The following CDKL3 variants were observed in gnomAD, a reference collection of about 807,000 sequenced individuals.
CDKL3 encodes cyclin-dependent kinase-like 3.
Under a neutral mutation model 69.3 loss-of-function variants are expected in CDKL3, and 65 were observed. The observed-to-expected ratio is 0.94, with a 90% CI of 0.77 to 1.15. The LOEUF is 1.15. Among genes scored for constraint, CDKL3 ranks in the 50% most tolerant of loss-of-function variants. The pLI, the probability that CDKL3 is intolerant of heterozygous loss-of-function variation, is 0.00. For missense variants in CDKL3, 652 were observed against 689.2 expected (o/e 0.95, Z 0.61); for synonymous variants, 202 against 221.6 (o/e 0.91, Z 0.79).
chr5:134,297,984 A>G (rs567983544), downstream of CDKL3, among the ~76,000 whole-genome samples: 6 of 147,528 alleles, frequency 4.1e-5, no homozygotes, highest in East Asian at 1.2e-3. Context: ...CCCAGGCTGG[A>G]GTGCAATGGC....
upstream of CDKL3, chr5:134,371,483 C>T: frequency 2.3e-6 from 3 of 1,307,020 alleles, no homozygotes; most frequent in Non-Finnish European, 2.1e-6. Context: ...TCGGCGGCGG[C>T]GGCGGCGGCG....
At chr5:134,340,243 G>C (rs1424996500) in intron 4 of CDKL3, among the ~76,000 whole-genome samples, 1 of 152,116 alleles carries the variant, frequency 6.6e-6, no homozygotes, top group Admixed American at 6.6e-5. Flanking sequence ...AAAGCAGAGA[G>C]GGAAATGTAT....
At chr5:134,324,700 C>A (rs1037009930) in intron 4 of CDKL3, among the ~76,000 whole-genome samples, 1 of 151,876 alleles carries the variant, frequency 6.6e-6, no homozygotes, top group African/African-American at 2.4e-5. Flanking sequence ...GGGAGAGGGA[C>A]GGAAGAATAA....
intron 2 of CDKL3, among the ~76,000 whole-genome samples, chr5:134,363,957 T>TAAAAAAAAAAAAAAAA (rs1206131261): frequency 1.0e-5 from 1 of 96,402 alleles, no homozygotes; most frequent in Non-Finnish European, 2.1e-5. Flanking sequence ...CTCCATTTCT[T>TAAAAAAAAAAAAAAAA]AAAAAAAAAA....
chr5:134,351,755 C>A (rs774252864), intron 3 of CDKL3, among the ~76,000 whole-genome samples: 2 of 151,976 alleles, frequency 1.3e-5, no homozygotes, highest in South Asian at 4.2e-4. Context: ...CCACCACACC[C>A]GGCCTGAATT....
rs1232929746 is a variant in CDKL3 at position 134,326,831 on chromosome 5, A to ATGTG, written c.540-4929_540-4928insCACA. Among the ~76,000 whole-genome samples, 102 of 84,050 alleles carry ATGTG rather than the reference A, an allele frequency of 1.2e-3. 4 individuals are homozygous for ATGTG. In the East Asian group the frequency reaches 0.023, roughly 19 times the overall value. 55.1% of individuals were successfully genotyped at this position (84,050 alleles called of 152,430 possible). A position where few individuals can be genotyped will look rare whatever the true frequency, so the allele number is the denominator to read the frequency against. ...TATATGTGTGTGTATATATATATAT[A>ATGTG]TATATATATATATATATATATATAT... On this transcript the variant is annotated intron_variant, in intron 4 of 12. Coordinates refer to ENST00000265334, the MANE Select transcript of CDKL3 (RefSeq NM_001113575.2).
chr5:134,367,254 G>C (rs1757671036), upstream of CDKL3: 1 of 985,196 alleles, frequency 1.0e-6, no homozygotes, highest in African/African-American at 1.7e-5. Flanking sequence ...ACTCTGGGTA[G>C]GCGCAAGGTG....
upstream of CDKL3, chr5:134,367,178 G>T (rs1361529235): frequency 2.0e-6 from 2 of 985,532 alleles, no homozygotes; most frequent in East Asian, 2.3e-4. Context: ...TTCTAGACTC[G>T]TGCGCAAGAC....
chr5:134,368,014 A>G (rs1446798318), upstream of CDKL3, among the ~76,000 whole-genome samples: 1 of 152,234 alleles, frequency 6.6e-6, no homozygotes, highest in African/African-American at 2.4e-5. Context: ...GTTAAATGTA[A>G]AAAAGCGAAA....
chr5:134,353,401 T>C (rs776796014), intron 3 of CDKL3, among the ~76,000 whole-genome samples: 3 of 152,136 alleles, frequency 2.0e-5, no homozygotes, highest in Non-Finnish European at 4.4e-5. Context: ...ACCTAACTAC[T>C]GCTCTTCCTA....
chr5:134,356,706 C>T (rs1754696243), intron 3 of CDKL3, among the ~76,000 whole-genome samples: 1 of 152,034 alleles, frequency 6.6e-6, no homozygotes, highest in Non-Finnish European at 1.5e-5. Flanking sequence ...ATTGCTTGAA[C>T]CTGGGAGGTG....
downstream of CDKL3, among the ~76,000 whole-genome samples, chr5:134,295,011 C>CTTTTTTTTTTTTTTTT (rs869256167): frequency 1.0e-5 from 1 of 100,422 alleles, no homozygotes; most frequent in Non-Finnish European, 2.0e-5. Context: ...ATTTTTTTTT[C>CTTTTTTTTTTTTTTTT]TTTTTTTTTT....
intron 4 of CDKL3, among the ~76,000 whole-genome samples, chr5:134,326,502 A>G (rs959348263): frequency 3.3e-5 from 5 of 152,144 alleles, no homozygotes; most frequent in Non-Finnish European, 7.4e-5. Context: ...TTGATCAGGA[A>G]AAGTAGATCC....
chr5:134,313,829 C>A (rs1356460674), intron 6 of CDKL3, among the ~76,000 whole-genome samples: 1 of 151,796 alleles, frequency 6.6e-6, no homozygotes, highest in African/African-American at 2.4e-5. Flanking sequence ...TGTGGCAATA[C>A]CTAGGTCTTT....
downstream of CDKL3, among the ~76,000 whole-genome samples, chr5:134,294,685 G>A (rs1765270799): frequency 6.6e-6 from 1 of 151,756 alleles, no homozygotes; most frequent in Non-Finnish European, 1.5e-5. Flanking sequence ...TAGGAAGGAA[G>A]GAAGGGAGGG....
chr5:134,320,951 T>C (rs958949084), intron 5 of CDKL3, among the ~76,000 whole-genome samples: 42 of 151,418 alleles, frequency 2.8e-4, no homozygotes, highest in African/African-American at 9.9e-4. Context: ...ACCATCATAA[T>C]GTTTTGGTGG....
In CDKL3 at chr5:134,348,185, C is replaced by T. The variant is rs370879088; in HGVS notation, c.539+2064G>A. Among the ~76,000 whole-genome samples, 4 of 152,134 alleles carry T rather than the reference C, an allele frequency of 2.6e-5. No homozygotes were observed. The South Asian group carries it at 6.2e-4, about 24-fold the overall frequency. On this transcript the variant is annotated intron_variant, in intron 4 of 12. Coordinates refer to ENST00000265334, the MANE Select transcript of CDKL3 (RefSeq NM_001113575.2). ...AAAGGACTGCTTGAGGGCAGGAGTT[C>T]GAGACAGCCTGGGCAACATAGTGAG... is the stretch of plus-strand genomic sequence containing the variant.
intron 4 of CDKL3, among the ~76,000 whole-genome samples, chr5:134,334,906 C>T (rs564587831): frequency 6.6e-6 from 1 of 151,970 alleles, no homozygotes; most frequent in South Asian, 2.1e-4. Flanking sequence ...TGATATTGAC[C>T]GTGGGGTGTT....
intron 2 of CDKL3, among the ~76,000 whole-genome samples, chr5:134,365,898 A>C (rs1461206135): frequency 6.6e-6 from 1 of 152,136 alleles, no homozygotes; most frequent in Non-Finnish European, 1.5e-5. Flanking sequence ...TCAAAGCCAA[A>C]TTCATGTCCC....
Sources: allele counts gnomAD v4.1 joint callset (sites outside exome capture counted in the v4.1 genomes callset), GRCh38; gene constraint gnomAD v4.1.1; transcripts MANE v1.5; gene names NCBI Gene and HGNC (gene_info 2026-07-23, HGNC 2026-07-21).